The following MTMR7 variants were observed in gnomAD, a reference collection of about 807,000 sequenced individuals.
MTMR7 encodes the protein phosphatidylinositol-3-phosphate phosphatase MTMR7.
MTMR7 carries 76 observed loss-of-function variants against 81.2 expected under a neutral mutation model. The ratio of observed to expected loss-of-function variants is 0.94; its 90% CI spans 0.78 to 1.13. MTMR7 has a LOEUF of 1.13. Among genes scored for constraint, MTMR7 ranks in the 50% most tolerant of loss-of-function variants. The pLI, the probability that MTMR7 is intolerant of heterozygous loss-of-function variation, is 0.00. For synonymous variants in MTMR7, 372 were observed against 289.8 expected, an observed-to-expected ratio of 1.28 and a Z score of -2.88; for missense variants, 1,044 against 820.0, an observed-to-expected ratio of 1.27 and a Z score of -3.34.
intron 4 of MTMR7, among the ~76,000 whole-genome samples, chr8:17,354,082 T>C (rs1056222706): frequency 2.0e-5 from 3 of 152,164 alleles, no homozygotes; most frequent in Non-Finnish European, 4.4e-5. Context: ...AAAGTGTCAC[T>C]CAGCCCTCCA....
chr8:17,401,490 G>A (rs967708544), intron 1 of MTMR7, among the ~76,000 whole-genome samples: 1 of 152,024 alleles, frequency 6.6e-6, no homozygotes, highest in African/African-American at 2.4e-5. Flanking sequence ...GGTGTGAGGA[G>A]ACCCACGAAA....
At chr8:17,320,714 T>C (rs1586178523) in intron 7 of MTMR7, among the ~76,000 whole-genome samples, 1 of 152,170 alleles carries the variant, frequency 6.6e-6, no homozygotes, top group Non-Finnish European at 1.5e-5. Context: ...TCTGATGCCT[T>C]GTGACAGTGC....
At chr8:17,345,798 T>C (rs1819536463) in intron 5 of MTMR7, among the ~76,000 whole-genome samples, 1 of 152,166 alleles carries the variant, frequency 6.6e-6, no homozygotes, top group African/African-American at 2.4e-5. Context: ...GATCACCAGT[T>C]CCCAGTGCCC....
chr8:17,342,882 G>C (rs959533687), intron 5 of MTMR7, among the ~76,000 whole-genome samples: 3 of 152,020 alleles, frequency 2.0e-5, no homozygotes, highest in Admixed American at 6.6e-5. Context: ...GTATGGGCAC[G>C]GCAGACAGAA....
At chr8:17,396,410 C>T (rs774810096) in intron 1 of MTMR7, among the ~76,000 whole-genome samples, 24 of 152,294 alleles carry the variant, frequency 1.6e-4, no homozygotes, top group East Asian at 3.9e-4. Flanking sequence ...CTTTCTCCTA[C>T]GTGGAAAAAG....
intron 5 of MTMR7, 53 bp from the exon 6 acceptor site, chr8:17,341,550 G>A: frequency 6.3e-7 from 1 of 1,599,054 alleles, no homozygotes; most frequent in Non-Finnish European, 8.5e-7. Context: ...GTACCCATGA[G>A]AGACACTCTA....
intron 12 of MTMR7, among the ~76,000 whole-genome samples, chr8:17,303,981 C>T (rs1007629070): frequency 5.9e-5 from 9 of 152,068 alleles, no homozygotes; most frequent in African/African-American, 1.9e-4. Flanking sequence ...CGGTTTTTGC[C>T]TTTTTGTTGT....
At chr8:17,341,613 T>G in intron 5 of MTMR7, 116 bp from the exon 6 acceptor site, 1 of 1,267,282 alleles carries the variant, frequency 7.9e-7, no homozygotes, top group Non-Finnish European at 1.1e-6. Flanking sequence ...CACCTCGGCT[T>G]ATGAAAACGT....
chr8:17,403,787 T>G (rs527974474), intron 1 of MTMR7, among the ~76,000 whole-genome samples: 11 of 151,940 alleles, frequency 7.2e-5, no homozygotes, highest in Admixed American at 4.6e-4. Context: ...GATCTTTTAC[T>G]TCTTAGGTTA....
chr8:17,375,491 T>TG (rs1820558981), intron 1 of MTMR7, among the ~76,000 whole-genome samples: 2 of 152,030 alleles, frequency 1.3e-5, no homozygotes. Flanking sequence ...TTTTTTTTTT[T>TG]TTTTTACAAG....
At chr8:17,355,255 T>A (rs1233589212) in intron 4 of MTMR7, among the ~76,000 whole-genome samples, 4 of 152,188 alleles carry the variant, frequency 2.6e-5, no homozygotes, top group African/African-American at 7.2e-5. Context: ...CTTTCAAGGC[T>A]AAAAATTCAC....
At chr8:17,412,525 A>T (rs1220917642) in intron 1 of MTMR7, among the ~76,000 whole-genome samples, 1 of 152,216 alleles carries the variant, frequency 6.6e-6, no homozygotes, top group African/African-American at 2.4e-5. Context: ...CTGAGGAGGA[A>T]GATTTGGTAC....
intron 1 of MTMR7, among the ~76,000 whole-genome samples, chr8:17,396,436 G>C (rs1418072948): frequency 6.6e-6 from 1 of 152,138 alleles, no homozygotes; most frequent in Non-Finnish European, 1.5e-5. Flanking sequence ...GTGCACTTGC[G>C]GGAAGGAGAG....
chr8:17,341,588 G>A, intron 5 of MTMR7, 91 bp from the exon 6 acceptor site: 1 of 1,462,474 alleles, frequency 6.8e-7, no homozygotes, highest in South Asian at 1.3e-5. Context: ...AAGAGCCCTT[G>A]GCTCACTGAT....
In MTMR7 at chr8:17,379,254, G is replaced by C. The variant is rs117308257; in HGVS notation, c.25-6014C>G. On this transcript the variant is annotated intron_variant, in intron 1 of 13. Transcript: ENST00000180173. ...ATCATAACCCATGAAAGAGCAGCTTGAGGTGTCAACTCCCAGGCACTGAGA... is the reference window on the plus strand; with the variant it reads ...ATCATAACCCATGAAAGAGCAGCTTCAGGTGTCAACTCCCAGGCACTGAGA... Among the ~76,000 whole-genome samples the C allele has an allele frequency of 7.5e-3, 1,138 of 152,290 alleles. 1 individual carries two copies. The highest frequency in any genetic ancestry group is 0.013 in the Non-Finnish European group (853 of 68,028).
intron 4 of MTMR7, among the ~76,000 whole-genome samples, chr8:17,357,581 A>T (rs1819933464): frequency 6.6e-6 from 1 of 152,204 alleles, no homozygotes; most frequent in Non-Finnish European, 1.5e-5. Flanking sequence ...TCACAAAATG[A>T]TGTCGAGCAA....
intron 1 of MTMR7, among the ~76,000 whole-genome samples, chr8:17,382,359 G>A (rs183320736): frequency 1.3e-5 from 2 of 152,212 alleles, no homozygotes; most frequent in African/African-American, 2.4e-5. Flanking sequence ...TCCCCATCTC[G>A]AGCTCTTCTT....
chr8:17,388,894 C>T (rs1821023007), intron 1 of MTMR7, among the ~76,000 whole-genome samples: 1 of 152,202 alleles, frequency 6.6e-6, no homozygotes, highest in Non-Finnish European at 1.5e-5. Flanking sequence ...ACCCCAAGGA[C>T]AGACTGCATA....
chr8:17,333,088 C>A (rs1266589624), intron 6 of MTMR7, among the ~76,000 whole-genome samples: 1 of 152,116 alleles, frequency 6.6e-6, no homozygotes, highest in Non-Finnish European at 1.5e-5. Flanking sequence ...CTGGCAGACA[C>A]CTCACATTTC....
Sources: gnomAD v4.1 joint callset for allele counts (sites outside exome capture counted in the v4.1 genomes callset) on GRCh38, gnomAD v4.1.1 for gene constraint, MANE v1.5 for transcripts, NCBI Gene and HGNC (gene_info 2026-07-23, HGNC 2026-07-21) for gene names.